Variants in TTBK2 observed in about 807,000 individuals in gnomAD.
TTBK2 encodes tau-tubulin kinase 2.
Under a neutral mutation model 110.8 loss-of-function variants are expected in TTBK2, and 28 were observed. That is an observed-to-expected ratio of 0.25 (90% CI 0.19 to 0.35). The LOEUF (loss-of-function observed/expected upper bound fraction) is 0.35. Among genes scored for constraint, TTBK2 ranks in the 10% least tolerant of loss-of-function variants. TTBK2 has a pLI of 1.00. For missense variants in TTBK2, 1,369 were observed against 1,500.3 expected, an observed-to-expected ratio of 0.91 and a Z score of 1.45; for synonymous variants, 532 against 527.3, an observed-to-expected ratio of 1.01 and a Z score of -0.12.
intron 10 of TTBK2, among the ~76,000 whole-genome samples, chr15:42,789,233 G>A (rs1337002694): frequency 6.6e-6 from 1 of 151,870 alleles, no homozygotes; most frequent in Non-Finnish European, 1.5e-5. Context: ...TGAACCCCCT[G>A]TGGTAACCAC....
At chr15:42,763,161 T>TACATATATACATAC (rs1567008825) in intron 13 of TTBK2, among the ~76,000 whole-genome samples, 1 of 10,126 alleles carries the variant, frequency 9.9e-5, no homozygotes, top group Admixed American at 1.3e-3. Flanking sequence ...TATATACATA[T>TACATATATACATAC]ATATATATAT....
At position 42,745,837 on chromosome 15, in the gene TTBK2, G is replaced by C; in HGVS notation, c.3693C>G (p.Thr1231=). 1 of 1,614,166 alleles carries C rather than the reference G, an allele frequency of 6.2e-7. No homozygotes were observed. Among genetic ancestry groups the C allele is most frequent in the Non-Finnish European group, 8.5e-7 (1 of 1,180,034 alleles). ...TGGCTGGCTTACTCTTCCCTTGGGG[G>C]GTTTTAGTGCTGGCTGAGTGGTGGT... The part of the protein sequence containing the change: ...SLHHHSASTK[T]PQGKSKPASK... Residue 1231 remains threonine (T), a synonymous_variant, in exon 15 of 15, where the codon ACC becomes ACG. Coordinates refer to ENST00000267890, the MANE Select transcript of TTBK2 (RefSeq NM_173500.4).
At chr15:42,855,677 AT>A (rs1893904131) in intron 3 of TTBK2, among the ~76,000 whole-genome samples, 1 of 152,148 alleles carries the variant, frequency 6.6e-6, no homozygotes, top group East Asian at 1.9e-4. Context: ...TTATTTATTT[AT>A]TTATTATATA....
intron 2 of TTBK2, among the ~76,000 whole-genome samples, chr15:42,875,905 C>CAAAAAAAA (rs57982301): frequency 5.3e-5 from 3 of 56,872 alleles, no homozygotes; most frequent in East Asian, 5.5e-4. Context: ...GACTCCGTCT[C>CAAAAAAAA]AAAAAAAAAA....
chr15:42,817,209 A>G, intron 6 of TTBK2, 112 bp from the exon 7 acceptor site: 3 of 613,524 alleles, frequency 4.9e-6, no homozygotes, highest in Non-Finnish European at 5.0e-6. Flanking sequence ...TCACAATAAA[A>G]CACTATTTAA....
intron 10 of TTBK2, among the ~76,000 whole-genome samples, chr15:42,789,702 C>T (rs1890564142): frequency 6.6e-6 from 1 of 151,936 alleles, no homozygotes; most frequent in Admixed American, 6.6e-5. Flanking sequence ...TCATTGCACT[C>T]CAGCCTGAGC....
chr15:42,741,845 A>G lies in TTBK2; in HGVS notation c.*3950T>C, dbSNP rs1416492609. 6.6e-6 allele frequency: 1 copy of G among 152,180 alleles called. No individual in the cohort carries two copies. Among genetic ancestry groups the G allele is most frequent in the East Asian group, 1.9e-4 (1 of 5,204 alleles). 9.4% of individuals were successfully genotyped at this position (152,180 alleles called of 1,614,324 possible). A position where few individuals can be genotyped will look rare whatever the true frequency, so the allele number is the denominator to read the frequency against. On this transcript the variant is annotated 3_prime_UTR_variant, in exon 15 of 15. Transcript: ENST00000267890. ...CTGGATCCTGCTTCTCGTATCACCA[A>G]TTCCTAATGTTAGGAATGTAGAACT... is the stretch of plus-strand genomic sequence containing the variant.
intron 9 of TTBK2, among the ~76,000 whole-genome samples, chr15:42,807,689 A>C (rs1418212963): frequency 1.3e-5 from 2 of 151,984 alleles, no homozygotes; most frequent in African/African-American, 4.8e-5. Flanking sequence ...CTCCTGCCTC[A>C]ATCGCCCAAG....
intron 4 of TTBK2, among the ~76,000 whole-genome samples, chr15:42,832,090 T>C (rs1396576124): frequency 2.0e-5 from 3 of 152,188 alleles, no homozygotes; most frequent in Non-Finnish European, 4.4e-5. Flanking sequence ...GGATTTACCA[T>C]AGTTATTATT....
chr15:42,847,464 A>C (rs1595980102), intron 3 of TTBK2, among the ~76,000 whole-genome samples: 1 of 152,218 alleles, frequency 6.6e-6, no homozygotes, highest in African/African-American at 2.4e-5. Context: ...TTTATGAATC[A>C]TGCTTTTGTT....
chr15:42,868,442 T>A (rs1043784467), intron 3 of TTBK2, among the ~76,000 whole-genome samples: 1 of 152,104 alleles, frequency 6.6e-6, no homozygotes, highest in South Asian at 2.1e-4. Context: ...AGTACATGCA[T>A]GTGTGAGGGC....
chr15:42,769,575 G>A (rs1165249835), intron 13 of TTBK2, among the ~76,000 whole-genome samples: 2 of 152,212 alleles, frequency 1.3e-5, no homozygotes, highest in Non-Finnish European at 2.9e-5. Flanking sequence ...TCTCACACCA[G>A]TTAGAATGGC....
chr15:42,868,207 T>G (rs568081788), intron 3 of TTBK2, among the ~76,000 whole-genome samples: 1 of 152,318 alleles, frequency 6.6e-6, no homozygotes, highest in East Asian at 1.9e-4. Context: ...ACTTACAATT[T>G]TTCAACTTAA....
At chr15:42,874,267 T>A (rs1459771442) in intron 2 of TTBK2, among the ~76,000 whole-genome samples, 1 of 152,190 alleles carries the variant, frequency 6.6e-6, no homozygotes, top group Non-Finnish European at 1.5e-5. Context: ...ATCCTATATT[T>A]ATTACTTTGC....
chr15:42,762,527 G>A (rs888332868), intron 13 of TTBK2, among the ~76,000 whole-genome samples: 7 of 152,096 alleles, frequency 4.6e-5, no homozygotes, highest in African/African-American at 7.2e-5. Flanking sequence ...GACCAGCCTG[G>A]CCAACATGGT....
chr15:42,806,790 C>T (rs1049390820), intron 9 of TTBK2, among the ~76,000 whole-genome samples: 1 of 151,314 alleles, frequency 6.6e-6, no homozygotes, highest in African/African-American at 2.4e-5. Context: ...TGTAAACTTT[C>T]TTAAAACATT....
At chr15:42,768,048 A>G (rs1346248161) in intron 13 of TTBK2, among the ~76,000 whole-genome samples, 2 of 152,230 alleles carry the variant, frequency 1.3e-5, no homozygotes, top group Non-Finnish European at 2.9e-5. Flanking sequence ...AAAGGCCTTC[A>G]ACAAAATTCA....
intron 3 of TTBK2, among the ~76,000 whole-genome samples, chr15:42,871,221 T>G (rs1596006039): frequency 2.0e-5 from 3 of 152,226 alleles, no homozygotes; most frequent in African/African-American, 7.2e-5. Flanking sequence ...TTCTTAAGAA[T>G]GGGATGTCAT....
chr15:42,866,282 T>C (rs1894369542), intron 3 of TTBK2, among the ~76,000 whole-genome samples: 2 of 151,944 alleles, frequency 1.3e-5, no homozygotes, highest in Admixed American at 1.3e-4. Context: ...AGAAAATTAA[T>C]AATAATAGTA....
Sources: gnomAD v4.1 joint callset for allele counts (sites outside exome capture counted in the v4.1 genomes callset) on GRCh38, gnomAD v4.1.1 for gene constraint, MANE v1.5 for transcripts, NCBI Gene and HGNC (gene_info 2026-07-23, HGNC 2026-07-21) for gene names.